Variants in NLN observed in about 807,000 individuals in gnomAD.
NLN encodes the protein neurolysin, also known as neurolysin, mitochondrial.
Under a neutral mutation model 79.9 loss-of-function variants are expected in NLN, and 64 were observed. The observed-to-expected ratio is 0.80, with a 90% CI of 0.65 to 0.99. The LOEUF (loss-of-function observed/expected upper bound fraction) is 0.99. Among genes scored for constraint, NLN ranks in the 50% least tolerant of loss-of-function variants. The pLI is 0.00. For missense variants in NLN, 835 were observed against 858.7 expected (o/e 0.97, Z 0.34); for synonymous variants, 267 against 296.6 (o/e 0.90, Z 1.02).
Position 65,792,660 on chromosome 5 carries a change from G to GTT in NLN, c.1527+14_1527+15dup. On this transcript the variant is annotated splice_donor_region_variant and intron_variant, in intron 9 of 12. Coordinates refer to ENST00000380985, the MANE Select transcript of NLN (RefSeq NM_020726.5). Reference sequence around the variant, plus strand: ...ATGCATCAGATTTGTGCACAGGTGAGTTTTTTTTTTCCCCCAGTAAACCTG... The same window carrying GTT: ...ATGCATCAGATTTGTGCACAGGTGAGTTTTTTTTTTTTCCCCCAGTAAACCTG... 28 of 1,516,080 alleles carry GTT rather than the reference G, an allele frequency of 1.8e-5. No individual in the cohort carries two copies. The highest frequency in any genetic ancestry group is 2.3e-5 in the Non-Finnish European group (26 of 1,108,780). 93.9% of individuals were successfully genotyped at this position (1,516,080 alleles called of 1,614,324 possible).
At chr5:65,789,632 A>T (rs1487984583) in intron 8 of NLN, among the ~76,000 whole-genome samples, 1 of 152,144 alleles carries the variant, frequency 6.6e-6, no homozygotes, top group African/African-American at 2.4e-5. Context: ...CAAAAATTTA[A>T]CAGGCATCTG....
chr5:65,802,811 T>A lies in NLN; in HGVS notation c.1528-6704T>A, dbSNP rs539399211. On this transcript the variant is annotated intron_variant, in intron 9 of 12. Coordinates refer to ENST00000380985, the MANE Select transcript of NLN (RefSeq NM_020726.5). ...TAGACCCTGGAGTGGATAGCTCCTC[T>A]CCACAGGTAGGTCATCCTGTAGAGG... Among the ~76,000 whole-genome samples the A allele has an allele frequency of 1.0e-3, 153 of 152,128 alleles. 1 individual carries two copies. Among genetic ancestry groups the A allele is most frequent in the African/African-American group, 3.2e-3 (131 of 41,494 alleles).
At chr5:65,736,162 T>A (rs1442743774) in intron 1 of NLN, among the ~76,000 whole-genome samples, 1 of 152,224 alleles carries the variant, frequency 6.6e-6, no homozygotes, top group Non-Finnish European at 1.5e-5. Context: ...TTGTAATTGC[T>A]GTCCTCTTGC....
intron 1 of NLN, among the ~76,000 whole-genome samples, chr5:65,731,865 G>T (rs2561214): frequency 1.4e-5 from 2 of 143,146 alleles, no homozygotes; most frequent in African/African-American, 5.2e-5. Flanking sequence ...GTCCTCCCAC[G>T]TCAGCCTTCC....
At chr5:65,773,296 T>A (rs528294221) in intron 3 of NLN, among the ~76,000 whole-genome samples, 90 of 152,088 alleles carry the variant, frequency 5.9e-4, no homozygotes, top group African/African-American at 2.1e-3. Context: ...CATCTCCAGC[T>A]AATTTTTGTG....
chr5:65,759,730 C>T (rs1363354308), intron 2 of NLN, among the ~76,000 whole-genome samples: 2 of 152,124 alleles, frequency 1.3e-5, no homozygotes, highest in Non-Finnish European at 2.9e-5. Flanking sequence ...GTCTGCTTTA[C>T]TTCAGGCTCA....
At chr5:65,789,503 A>G (rs2034241) in intron 8 of NLN, among the ~76,000 whole-genome samples, 41,706 of 152,118 alleles carry the variant, frequency 0.27, 6,277 homozygotes, top group African/African-American at 0.4. Flanking sequence ...CCACCCAGAC[A>G]TGGTGGCTCA....
At position 65,810,021 on chromosome 5, in the gene NLN, A is replaced by G; in HGVS notation, c.1715-16A>G. The G allele has an allele frequency of 2.5e-6, 4 of 1,612,612 alleles. No homozygotes were observed. Among genetic ancestry groups the G allele is most frequent in the South Asian group, 1.1e-5 (1 of 91,042 alleles). ...TGTCTTCTTCAAAACATGCCCAAAC[A>G]TTCTTATGTTATTAGGTCTTCTGAC... On this transcript the variant is annotated splice_polypyrimidine_tract_variant and intron_variant, in intron 10 of 12. Coordinates refer to ENST00000380985, the MANE Select transcript of NLN (RefSeq NM_020726.5).
Position 65,722,367 on chromosome 5 carries a change from C to A in NLN, c.-7C>A. 3 of 1,576,296 alleles carry A rather than the reference C, an allele frequency of 1.9e-6. No individual in the cohort carries two copies. Among genetic ancestry groups the A allele is most frequent in the Non-Finnish European group, 2.6e-6 (3 of 1,163,846 alleles). ...GCGCCCGCCGCCGCCAGCCTCTCAG[C>A]GCTCCCATGATCGCCCGGTGCCTTT... is the stretch of plus-strand genomic sequence containing the variant. On this transcript the variant is annotated 5_prime_UTR_variant, in exon 1 of 13. Coordinates refer to ENST00000380985, the MANE Select transcript of NLN (RefSeq NM_020726.5).
At chr5:65,786,941 G>A (rs1759936891) in intron 7 of NLN, among the ~76,000 whole-genome samples, 1 of 152,178 alleles carries the variant, frequency 6.6e-6, no homozygotes, top group Non-Finnish European at 1.5e-5. Context: ...CAACAGAAGT[G>A]TGAACAGGTA....
At chr5:65,800,413 T>C (rs1200862171) in intron 9 of NLN, among the ~76,000 whole-genome samples, 2 of 152,182 alleles carry the variant, frequency 1.3e-5, no homozygotes, top group Admixed American at 1.3e-4. Flanking sequence ...TGGTGGCTCA[T>C]GCCTATAATC....
At chr5:65,739,959 A>C (rs1758835640) in intron 1 of NLN, among the ~76,000 whole-genome samples, 1 of 151,952 alleles carries the variant, frequency 6.6e-6, no homozygotes, top group Non-Finnish European at 1.5e-5. Flanking sequence ...TTGTCTCTTC[A>C]TTCTGTTTAT....
intron 1 of NLN, among the ~76,000 whole-genome samples, chr5:65,726,997 C>T (rs1430447425): frequency 6.9e-6 from 1 of 144,724 alleles, no homozygotes; most frequent in Non-Finnish European, 1.5e-5. Flanking sequence ...TGCTATATCC[C>T]CTTCCCAAGG....
In NLN at chr5:65,828,113, G is replaced by A. The variant is rs1760952574; in HGVS notation, c.*5198G>A. On this transcript the variant is annotated 3_prime_UTR_variant, in exon 13 of 13. Coordinates refer to ENST00000380985, the MANE Select transcript of NLN (RefSeq NM_020726.5). ...TTCCATTACCCAGGTAAAAGAAGGG[G>A]AAGCCTGACTTGATAGTAGTATTCA... 6.6e-6 allele frequency: 1 copy of A among 152,190 alleles called. No individual in the cohort carries two copies. Among genetic ancestry groups the A allele is most frequent in the South Asian group, 2.1e-4 (1 of 4,828 alleles). The allele number at this position is 152,190 out of a possible 1,614,324, so 9.4% of individuals were successfully genotyped here. A position where few individuals can be genotyped will look rare whatever the true frequency, so the allele number is the denominator to read the frequency against.
At chr5:65,753,439 A>C (rs1023774729) in intron 1 of NLN, among the ~76,000 whole-genome samples, 6 of 152,188 alleles carry the variant, frequency 3.9e-5, no homozygotes, top group Non-Finnish European at 5.9e-5. Flanking sequence ...ACTTCCGGTT[A>C]GTAGTTTGAG....
chr5:65,722,506 C>G (rs1579896522), intron 1 of NLN, 92 bp downstream of exon 1: 2 of 1,175,838 alleles, frequency 1.7e-6, no homozygotes, highest in East Asian at 5.8e-5. Context: ...CCTTCCCGAC[C>G]GCGCCTCTCC....
Position 65,824,865 on chromosome 5 carries a change from G to A in NLN, c.*1950G>A, listed in dbSNP as rs985954368. 5.3e-5 allele frequency: 8 copies of A among 152,236 alleles called. No individual in the cohort carries two copies. The highest frequency in any genetic ancestry group is 1.9e-4 in the African/African-American group (8 of 41,418). The allele number at this position is 152,236 out of a possible 1,614,324, so 9.4% of individuals were successfully genotyped here. A position where few individuals can be genotyped will look rare whatever the true frequency, so the allele number is the denominator to read the frequency against. ...TCATGCCTGTAATCCCAGCACTTTGGGAGGCCAAGGCAGGAGGATCACCTG... is the reference window on the plus strand; with the variant it reads ...TCATGCCTGTAATCCCAGCACTTTGAGAGGCCAAGGCAGGAGGATCACCTG... On this transcript the variant is annotated 3_prime_UTR_variant, in exon 13 of 13. Transcript: ENST00000380985.
In NLN at chr5:65,788,376, A is replaced by G; in HGVS notation, c.1217A>G (p.Glu406Gly). The G allele has an allele frequency of 6.2e-7, 1 of 1,614,062 alleles. No homozygotes were observed. The highest frequency in any genetic ancestry group is 8.5e-7 in the Non-Finnish European group (1 of 1,179,898). ...TYQELLGLSF[E>G]QMTDAHVWNK... ...CAGGAGTTGTTGGGACTTTCATTTGAACAAATGACAGATGCTCATGTTTGG... is the reference window on the plus strand; with the variant it reads ...CAGGAGTTGTTGGGACTTTCATTTGGACAAATGACAGATGCTCATGTTTGG... The change falls in exon 8 of 13, where the codon GAA becomes GGA. Residue 406 changes from glutamate (E) to glycine (G), a missense_variant. By Grantham distance (98) the Glu-to-Gly change is moderately conservative. Transcript: ENST00000380985.
At chr5:65,787,394 G>C (rs1759954130) in intron 7 of NLN, among the ~76,000 whole-genome samples, 1 of 151,906 alleles carries the variant, frequency 6.6e-6, no homozygotes, top group Non-Finnish European at 1.5e-5. Flanking sequence ...GTATTCCTCG[G>C]GCTGCTCCTC....
Sources: gnomAD v4.1 joint callset for allele counts (sites outside exome capture counted in the v4.1 genomes callset) on GRCh38, gnomAD v4.1.1 for gene constraint, MANE v1.5 for transcripts, NCBI Gene and HGNC (gene_info 2026-07-23, HGNC 2026-07-21) for gene names.